The following FLT1 variants were observed in gnomAD, a reference collection of about 807,000 sequenced individuals.
The protein encoded by FLT1 is vascular endothelial growth factor receptor 1.
A neutral mutation model predicts 156.3 loss-of-function variants in FLT1; 49 were observed. The ratio of observed to expected loss-of-function variants is 0.31; its 90% confidence interval spans 0.25 to 0.40. The LOEUF is 0.40. Among genes scored for constraint, FLT1 ranks in the 10% least tolerant of loss-of-function variants. FLT1 has a pLI of 1.00. For missense variants in FLT1, 1,322 were observed against 1,637.2 expected, an observed-to-expected ratio of 0.81 and a Z score of 3.32; for synonymous variants, 594 against 583.8, an observed-to-expected ratio of 1.02 and a Z score of -0.25.
chr13:28,403,044 T>G (rs1875554297), intron 11 of FLT1, among the ~76,000 whole-genome samples: 1 of 152,168 alleles, frequency 6.6e-6, no homozygotes, highest in African/African-American at 2.4e-5. Flanking sequence ...TGGTAGGTGA[T>G]CGGCTTACCA....
At chr13:28,402,410 A>AT (rs1413214780) in intron 11 of FLT1, among the ~76,000 whole-genome samples, 4 of 152,204 alleles carry the variant, frequency 2.6e-5, no homozygotes, top group Admixed American at 1.3e-4. Flanking sequence ...TGACAGATAC[A>AT]TTTTTTCACA....
intron 3 of FLT1, among the ~76,000 whole-genome samples, chr13:28,444,464 T>G (rs1245371771): frequency 6.6e-6 from 1 of 151,310 alleles, no homozygotes; most frequent in South Asian, 2.1e-4. Flanking sequence ...ATAGAAGAAC[T>G]GGACAGAAGA....
chr13:28,421,420 G>A (rs1876989903), intron 10 of FLT1, among the ~76,000 whole-genome samples: 1 of 152,202 alleles, frequency 6.6e-6, no homozygotes, highest in Non-Finnish European at 1.5e-5. Flanking sequence ...AGAGCTAACT[G>A]GGCAGAGAAT....
chr13:28,349,842 G>A (rs1872686885), intron 15 of FLT1, among the ~76,000 whole-genome samples: 1 of 152,034 alleles, frequency 6.6e-6, no homozygotes, highest in South Asian at 2.1e-4. Flanking sequence ...ACCATTTATC[G>A]GGAAGGAAAG....
At position 28,319,455 on chromosome 13, in the gene FLT1, T is replaced by A; in HGVS notation, c.3254A>T (p.Tyr1085Phe). Reference sequence around the variant, plus strand: ...GAAGATTTCCCACAGCAATACTCCGTAAGACCACACGTCGCTCTTGGTGCT... The same window carrying A: ...GAAGATTTCCCACAGCAATACTCCGAAAGACCACACGTCGCTCTTGGTGCT... Reference protein sequence around the residue: ...IYSTKSDVWSYGVLLWEIFSL... With the variant: ...IYSTKSDVWSFGVLLWEIFSL... Residue 1085 changes from tyrosine (Y) to phenylalanine (F), a missense_variant, in exon 24 of 30, where the codon TAC becomes TTC. Transcript: ENST00000282397. 2 of 1,613,618 alleles carry A rather than the reference T, an allele frequency of 1.2e-6. No homozygotes were observed. The highest frequency in any genetic ancestry group is 1.7e-6 in the Non-Finnish European group (2 of 1,179,536).
At position 28,427,490 on chromosome 13, in the gene FLT1, T is replaced by A. The variant is rs117053583; in HGVS notation, c.1277-172A>T. Among the ~76,000 whole-genome samples the A allele has an allele frequency of 1.7e-4, 26 of 152,260 alleles. No homozygotes were observed. The East Asian group carries it at 5.0e-3, about 29-fold the overall frequency. On this transcript the variant is annotated intron_variant, in intron 9 of 29. Coordinates refer to ENST00000282397, the MANE Select transcript of FLT1 (RefSeq NM_002019.4). ...TCAAGAAAATGCAGATTTTTAAAAGTAGTAGCAGGGTTTTGAGATTATTAA... is the reference window on the plus strand; with the variant it reads ...TCAAGAAAATGCAGATTTTTAAAAGAAGTAGCAGGGTTTTGAGATTATTAA...
intron 1 of FLT1, 75 bp from the exon 2 acceptor site, chr13:28,467,692 G>A (rs1378476108): frequency 1.3e-6 from 1 of 780,808 alleles, no homozygotes. Context: ...TTTCCATGAA[G>A]GTGAGTTTTT....
intron 14 of FLT1, among the ~76,000 whole-genome samples, chr13:28,367,645 G>C (rs1352034664): frequency 6.6e-6 from 1 of 152,160 alleles, no homozygotes. Context: ...TAAATCTGTA[G>C]AGCTTTTGAA....
At chr13:28,395,268 G>C (rs924784162) in intron 12 of FLT1, among the ~76,000 whole-genome samples, 6 of 152,098 alleles carry the variant, frequency 3.9e-5, no homozygotes, top group African/African-American at 1.4e-4. Flanking sequence ...CTCTTGTCTT[G>C]GCTCTGAAAA....
chr13:28,493,721 CAG>C (rs1378095574), intron 1 of FLT1, among the ~76,000 whole-genome samples: 1 of 152,228 alleles, frequency 6.6e-6, no homozygotes, highest in African/African-American at 2.4e-5. Context: ...CCCCACTGAG[CAG>C]AGACTGCGAG....
intron 3 of FLT1, among the ~76,000 whole-genome samples, chr13:28,450,871 C>T (rs1002269962): frequency 1.3e-5 from 2 of 152,146 alleles, no homozygotes; most frequent in Admixed American, 1.3e-4. Flanking sequence ...AGTCTCCCTC[C>T]ACCACACCAA....
At chr13:28,367,209 C>T (rs908139432) in intron 14 of FLT1, among the ~76,000 whole-genome samples, 1 of 152,146 alleles carries the variant, frequency 6.6e-6, no homozygotes, top group Admixed American at 6.5e-5. Context: ...TTCAAAAAGC[C>T]TCAGTTCCTG....
chr13:28,318,645 C>T (rs551649496), intron 24 of FLT1, among the ~76,000 whole-genome samples: 28 of 152,266 alleles, frequency 1.8e-4, no homozygotes, highest in Admixed American at 7.8e-4. Flanking sequence ...TGCCTGTCAT[C>T]GAAAGCAGGG....
intron 15 of FLT1, among the ~76,000 whole-genome samples, chr13:28,352,921 G>A (rs1181791153): frequency 6.6e-6 from 1 of 152,158 alleles, no homozygotes; most frequent in Non-Finnish European, 1.5e-5. Context: ...AAAACTGATA[G>A]CTGGCCAAGG....
At chr13:28,337,460 A>C (rs1872161681) in intron 17 of FLT1, among the ~76,000 whole-genome samples, 1 of 152,254 alleles carries the variant, frequency 6.6e-6, no homozygotes, top group Non-Finnish European at 1.5e-5. Context: ...TATTTGGCTT[A>C]AGAAATAAAC....
chr13:28,316,945 A>T lies in FLT1; in HGVS notation c.3386+553T>A, dbSNP rs1273298073. ...GCCCCTATTCCTCCCAAAGGATTCTAAAGAAGTTGTATTGCCCACAAAGCC... is the reference window on the plus strand; with the variant it reads ...GCCCCTATTCCTCCCAAAGGATTCTTAAGAAGTTGTATTGCCCACAAAGCC... On this transcript the variant is annotated intron_variant, in intron 25 of 29. Coordinates refer to ENST00000282397, the MANE Select transcript of FLT1 (RefSeq NM_002019.4). 2.0e-5 allele frequency among the ~76,000 whole-genome samples: 3 copies of T among 152,138 alleles called. No homozygotes were observed. In the South Asian group the frequency reaches 6.2e-4, roughly 32 times the overall value.
At chr13:28,337,713 A>G (rs1213294064) in intron 17 of FLT1, among the ~76,000 whole-genome samples, 1 of 152,258 alleles carries the variant, frequency 6.6e-6, no homozygotes, top group Non-Finnish European at 1.5e-5. Context: ...AAACCCACAG[A>G]GCCCCAGGGG....
chr13:28,359,538 G>T (rs1289684480), intron 14 of FLT1, among the ~76,000 whole-genome samples: 1 of 152,176 alleles, frequency 6.6e-6, no homozygotes, highest in Non-Finnish European at 1.5e-5. Flanking sequence ...AGGCAAATGG[G>T]ATTGCATCAA....
rs765028009 is a variant in FLT1, at chr13:28,438,207, G to A, written c.513+14C>T. 1 of 1,611,890 alleles carries A rather than the reference G, an allele frequency of 6.2e-7. No individual in the cohort carries two copies. The highest frequency in any genetic ancestry group is 1.3e-5 in the African/African-American group (1 of 74,878). On this transcript the variant is annotated intron_variant, in intron 4 of 29. Coordinates refer to ENST00000282397, the MANE Select transcript of FLT1 (RefSeq NM_002019.4). ...CAGTGAAAGTATGCTGAGAATAGCG[G>A]TGTTCAAATTTACCTTTTTTAAAGT...
Sources: gnomAD v4.1 joint callset for allele counts (sites outside exome capture counted in the v4.1 genomes callset) on GRCh38, gnomAD v4.1.1 for gene constraint, MANE v1.5 for transcripts, NCBI Gene and HGNC (gene_info 2026-07-23, HGNC 2026-07-21) for gene names.